The following SRGAP3 variants were observed in gnomAD, a reference collection of about 807,000 sequenced individuals.
SRGAP3 encodes the protein SLIT-ROBO Rho GTPase-activating protein 3.
In SRGAP3, 39 loss-of-function variants were observed where a neutral mutation model predicts 121.1. That is an observed-to-expected ratio of 0.32 (90% CI 0.25 to 0.42). SRGAP3 has a LOEUF of 0.42. Ranked by LOEUF, SRGAP3 falls within the 10% of genes least tolerant of loss-of-function variation. The pLI is 1.00. For missense variants in SRGAP3, 1,213 were observed against 1,470.6 expected, an observed-to-expected ratio of 0.82 and a Z score of 2.86; for synonymous variants, 601 against 570.0, an observed-to-expected ratio of 1.05 and a Z score of -0.77.
chr3:9,300,240 C>T (rs1955034081), intron 3 of SRGAP3, among the ~76,000 whole-genome samples: 1 of 15,788 alleles, frequency 6.3e-5, no homozygotes, highest in African/African-American at 2.4e-4. Flanking sequence ...ACTCTCCAGC[C>T]CCTTTCCTTA....
chr3:9,058,714 CTTTTTTTTTTT>C, intron 6 of SRGAP3: 2 of 212,824 alleles, frequency 9.4e-6, no homozygotes, highest in Admixed American at 7.3e-5. Flanking sequence ...TTCTCTCTCT[CTTTTTTTTTTT>C]TTTTTTTTTT....
chr3:9,097,850 C>A (rs1229117595), intron 3 of SRGAP3, among the ~76,000 whole-genome samples: 1 of 152,180 alleles, frequency 6.6e-6, no homozygotes, highest in East Asian at 1.9e-4. Flanking sequence ...TAGCTCAGGA[C>A]AACTCTGAAG....
rs368082320 is a variant in SRGAP3 at position 9,275,699 on chromosome 3, GA to G, written n.442+50310del. ...TTCTCTCTTACCTGCTGCCATGTAA[GA>G]TGTGCCTTTTGCCCTCTGTCATGAT... On this transcript the variant is annotated intron_variant and non_coding_transcript_variant, in intron 3 of 3. Coordinates refer to the SRGAP3 transcript ENST00000490889. 1.5e-4 allele frequency among the ~76,000 whole-genome samples: 23 copies of G among 152,294 alleles called. No homozygotes were observed. The South Asian group carries it at 4.6e-3, about 30-fold the overall frequency.
intron 3 of SRGAP3, among the ~76,000 whole-genome samples, chr3:9,092,581 G>T (rs1947802046): frequency 6.6e-6 from 1 of 152,202 alleles, no homozygotes; most frequent in Non-Finnish European, 1.5e-5. Flanking sequence ...CATAGAGCTA[G>T]TGAATGTGAT....
intron 1 of SRGAP3, among the ~76,000 whole-genome samples, chr3:9,224,796 G>C (rs1952931600): frequency 6.6e-6 from 1 of 152,174 alleles, no homozygotes; most frequent in Non-Finnish European, 1.5e-5. Flanking sequence ...TGAGAAGCCT[G>C]CAGAACCACA....
intron 2 of SRGAP3, among the ~76,000 whole-genome samples, chr3:9,117,501 C>A (rs1948847135): frequency 6.6e-6 from 1 of 152,234 alleles, no homozygotes; most frequent in Non-Finnish European, 1.5e-5. Flanking sequence ...CCAAGTGCCT[C>A]CCAGCACTTC....
At chr3:9,359,675 T>C (rs1446506761) in intron 1 of SRGAP3, among the ~76,000 whole-genome samples, 1 of 152,014 alleles carries the variant, frequency 6.6e-6, no homozygotes, top group African/African-American at 2.4e-5. Flanking sequence ...AGTAGGCAGG[T>C]GAAAGGAGGG....
At chr3:9,318,671 T>C (rs1236733280) in intron 3 of SRGAP3, among the ~76,000 whole-genome samples, 1 of 146,018 alleles carries the variant, frequency 6.8e-6, no homozygotes, top group Non-Finnish European at 1.5e-5. Context: ...CCCAGGAGTT[T>C]AAGACAAGCC....
intron 3 of SRGAP3, among the ~76,000 whole-genome samples, chr3:9,320,947 C>A (rs559599687): frequency 1.3e-5 from 2 of 151,916 alleles, no homozygotes; most frequent in Non-Finnish European, 2.9e-5. Context: ...GTAATATATA[C>A]ATTTTTTAAA....
At chr3:9,316,656 A>G (rs925000880) in intron 3 of SRGAP3, among the ~76,000 whole-genome samples, 6 of 152,132 alleles carry the variant, frequency 3.9e-5, no homozygotes, top group Non-Finnish European at 5.9e-5. Context: ...CTCCATCTCA[A>G]AAACAAAAAA....
intron 3 of SRGAP3, among the ~76,000 whole-genome samples, chr3:9,266,100 T>G (rs1037326996): frequency 1.3e-5 from 2 of 152,142 alleles, no homozygotes. Flanking sequence ...GAAACCATCA[T>G]TCTCAGCAAA....
chr3:9,002,534 G>GA (rs1046516744), intron 18 of SRGAP3, among the ~76,000 whole-genome samples: 7 of 151,474 alleles, frequency 4.6e-5, no homozygotes, highest in African/African-American at 7.3e-5. Context: ...TAAGACACTG[G>GA]AAAAAAAAGT....
At chr3:9,005,704 C>A (rs1242751672) in intron 18 of SRGAP3, among the ~76,000 whole-genome samples, 1 of 152,072 alleles carries the variant, frequency 6.6e-6, no homozygotes, top group Non-Finnish European at 1.5e-5. Flanking sequence ...CCAGAATAGA[C>A]AAATCCATAG....
chr3:9,131,382 C>T (rs1372684881), intron 1 of SRGAP3, among the ~76,000 whole-genome samples: 1 of 146,372 alleles, frequency 6.8e-6, no homozygotes, highest in Non-Finnish European at 1.5e-5. Flanking sequence ...GGTGCAGTCT[C>T]TTGGTTTTAT....
chr3:9,173,023 C>T (rs1253028905), intron 1 of SRGAP3, among the ~76,000 whole-genome samples: 1 of 152,186 alleles, frequency 6.6e-6, no homozygotes, highest in Non-Finnish European at 1.5e-5. Context: ...GGTGGTGGGG[C>T]ATGGCTCGTG....
intron 14 of SRGAP3, among the ~76,000 whole-genome samples, chr3:9,019,573 A>G (rs1237839904): frequency 6.6e-6 from 1 of 152,248 alleles, no homozygotes; most frequent in African/African-American, 2.4e-5. Flanking sequence ...TGAACAGCGA[A>G]GAGCACCTCT....
intron 2 of SRGAP3, among the ~76,000 whole-genome samples, chr3:9,122,728 G>A (rs12634672): frequency 0.47 from 69,261 of 148,404 alleles, 16,493 homozygotes; most frequent in Middle Eastern, 0.54. Context: ...AAAAAAAAAG[G>A]GAGAAGATAG....
chr3:9,007,846 C>T (rs1015056121), intron 18 of SRGAP3: 2 of 152,146 alleles, frequency 1.3e-5, no homozygotes, highest in Non-Finnish European at 2.9e-5. Flanking sequence ...GCACAGTGAC[C>T]CCTTGACTGT....
Position 9,007,346 on chromosome 3 carries a change from G to C in SRGAP3, c.2227+2962C>G, listed in dbSNP as rs148356356. ...TGTTCCTGCAATTTGGCATTCATTG[G>C]CTGATTCATGCATGGCAAAGACCTG... On this transcript the variant is annotated intron_variant, in intron 18 of 21. Coordinates refer to ENST00000383836, the MANE Select transcript of SRGAP3 (RefSeq NM_014850.4). The C allele has an allele frequency of 1.6e-3, 248 of 152,244 alleles. 2 individuals carry two copies. Among genetic ancestry groups the C allele is most frequent in the African/African-American group, 5.7e-3 (235 of 41,532 alleles). The allele number at this position is 152,244 out of a possible 1,614,324, so 9.4% of individuals were successfully genotyped here. A position where few individuals can be genotyped will look rare whatever the true frequency, so the allele number is the denominator to read the frequency against.
Sources: allele counts gnomAD v4.1 joint callset (sites outside exome capture counted in the v4.1 genomes callset), GRCh38; gene constraint gnomAD v4.1.1; transcripts MANE v1.5; gene names NCBI Gene and HGNC (gene_info 2026-07-23, HGNC 2026-07-21).